Variants in DDHD2 observed in about 807,000 individuals in gnomAD.
DDHD2 encodes the protein DDHD domain containing 2.
A neutral mutation model predicts 91.2 loss-of-function variants in DDHD2; 62 were observed. That is an observed-to-expected ratio of 0.68 (90% CI 0.55 to 0.84). The LOEUF (loss-of-function observed/expected upper bound fraction) is 0.84, where lower values mean the gene tolerates loss of function less well. Ranked by LOEUF, DDHD2 falls within the 40% of genes least tolerant of loss-of-function variation. DDHD2 has a pLI of 0.00. For synonymous variants in DDHD2, 271 were observed against 293.9 expected, an observed-to-expected ratio of 0.92 and a Z score of 0.80; for missense variants, 740 against 846.9, an observed-to-expected ratio of 0.87 and a Z score of 1.57.
Position 38,247,714 on chromosome 8 carries a change from A to G in DDHD2, c.1127A>G (p.Asp376Gly), listed in dbSNP as rs148664622. 6,182 of 1,489,866 alleles carry G rather than the reference A, an allele frequency of 4.1e-3. 12 individuals carry two copies. The highest frequency in any genetic ancestry group is 5.0e-3 in the Non-Finnish European group (5,587 of 1,111,896). 92.3% of individuals were successfully genotyped at this position (1,489,866 alleles called of 1,614,324 possible). A position where few individuals can be genotyped will look rare whatever the true frequency, so the allele number is the denominator to read the frequency against. Residue 376 changes from aspartate (D) to glycine (G), a missense_variant and splice_region_variant, in exon 10 of 18, where the codon GAT becomes GGT. Around this residue, in one of 2 missense-constraint regions of DDHD2, gnomAD observed 693 missense variants for 764.2 expected, o/e 0.91. Coordinates refer to ENST00000397166, the MANE Select transcript of DDHD2 (RefSeq NM_015214.3). ...TGAGCTTTATAATTTAATTTTTAGG[A>G]TTCGCTAAATATTGTAATGGATCAA... ...DSLGDIDSEKDSLNIVMDQGD... is the reference protein window; with the variant it reads ...DSLGDIDSEKGSLNIVMDQGD...
intron 2 of DDHD2, among the ~76,000 whole-genome samples, chr8:38,234,107 T>A (rs1804509310): frequency 2.0e-5 from 3 of 152,028 alleles, no homozygotes; most frequent in South Asian, 2.1e-4. Context: ...TTCAGAAAAA[T>A]CACATTATAT....
intron 1 of DDHD2, 45 bp from the exon 2 acceptor site, chr8:38,232,942 T>TAC: frequency 6.9e-7 from 1 of 1,446,764 alleles, no homozygotes; most frequent in Non-Finnish European, 9.6e-7. Context: ...TGCGAACAGT[T>TAC]ACACAGTTAA....
chr8:38,266,872 A>G (rs1434538854), downstream of DDHD2: 2 of 261,448 alleles, frequency 7.6e-6, no homozygotes, highest in Non-Finnish European at 1.4e-5. Flanking sequence ...TAGTTTCCTC[A>G]TCTATAAATG....
rs148690021 is a variant in DDHD2 at position 38,255,870 on chromosome 8, C to T, written c.2054+2152C>T. Among the ~76,000 whole-genome samples the T allele has an allele frequency of 3.6e-3, 554 of 152,170 alleles. 3 individuals carry two copies. Among genetic ancestry groups the T allele is most frequent in the Non-Finnish European group, 4.0e-3 (270 of 68,002 alleles). ...AAATACTTCGAATTGAAATCAATGG[C>T]ATAAAGGGTATATACATTTGTAAAA... On this transcript the variant is annotated intron_variant, in intron 16 of 17. Coordinates refer to ENST00000397166, the MANE Select transcript of DDHD2 (RefSeq NM_015214.3).
chr8:38,266,199 T>C, downstream of DDHD2: 2 of 1,613,904 alleles, frequency 1.2e-6, no homozygotes, highest in Non-Finnish European at 8.5e-7. Context: ...CTGCAAAAAG[T>C]AGAGGTGACA....
downstream of DDHD2, chr8:38,264,328 G>A: frequency 1.2e-6 from 1 of 861,748 alleles, no homozygotes; most frequent in Non-Finnish European, 1.6e-6. Flanking sequence ...TTTTAGTAGA[G>A]ACAGGGTTCA....
intron 1 of DDHD2, chr8:38,268,718 C>G (rs1268364268): frequency 7.0e-7 from 1 of 1,433,438 alleles, no homozygotes; most frequent in African/African-American, 1.4e-5. Flanking sequence ...CCTCCTCTCT[C>G]AATCAGGATC....
At chr8:38,244,005 G>A (rs1300464685) in intron 7 of DDHD2, among the ~76,000 whole-genome samples, 3 of 151,892 alleles carry the variant, frequency 2.0e-5, no homozygotes, top group East Asian at 2.0e-4. Context: ...GTTTCTCCAC[G>A]TTGGTCAGGC....
chr8:38,237,849 T>G (rs909735041), intron 4 of DDHD2, among the ~76,000 whole-genome samples: 23 of 152,186 alleles, frequency 1.5e-4, no homozygotes, highest in Admixed American at 4.6e-4. Flanking sequence ...CACTGTAGAA[T>G]AAGAAAATCA....
At chr8:38,252,372 T>G in intron 13 of DDHD2, 85 bp downstream of exon 13, 6 of 1,460,472 alleles carry the variant, frequency 4.1e-6, no homozygotes, top group Non-Finnish European at 5.5e-6. Context: ...GTGTTGATTT[T>G]TTTTTCCTAT....
At chr8:38,269,083 T>TGGGAAGC (rs1487253753) in intron 1 of DDHD2, 13 of 1,527,350 alleles carry the variant, frequency 8.5e-6, no homozygotes, top group Non-Finnish European at 1.1e-5. Flanking sequence ...CCCGCCTGCC[T>TGGGAAGC]GGGAAGCGGG....
intron 6 of DDHD2, among the ~76,000 whole-genome samples, chr8:38,241,058 G>A (rs1805218075): frequency 7.4e-6 from 1 of 135,368 alleles, no homozygotes. Context: ...GCAACAGAGT[G>A]AGACCTCAAA....
rs1806874745 is a variant in DDHD2 at position 38,260,129 on chromosome 8, C to T, written c.*8C>T. The T allele has an allele frequency of 6.3e-7, 1 of 1,582,638 alleles. No individual in the cohort carries two copies. Among genetic ancestry groups the T allele is most frequent in the Non-Finnish European group, 8.7e-7 (1 of 1,152,246 alleles). ...GATCAGCCTTTACAGTAAAAATGACCCATCTATGGCTGCTTAATGTAAGTT... is the reference window on the plus strand; with the variant it reads ...GATCAGCCTTTACAGTAAAAATGACTCATCTATGGCTGCTTAATGTAAGTT... On this transcript the variant is annotated 3_prime_UTR_variant, in exon 17 of 18. Transcript: ENST00000397166.
chr8:38,269,211 C>G, intron 1 of DDHD2: 1 of 1,495,848 alleles, frequency 6.7e-7, no homozygotes, highest in Non-Finnish European at 8.8e-7. Flanking sequence ...CGGCCGCGAG[C>G]TCCGAGCGAC....
chr8:38,233,775 A>G (rs1391456703), intron 2 of DDHD2, among the ~76,000 whole-genome samples: 1 of 152,056 alleles, frequency 6.6e-6, no homozygotes, highest in East Asian at 1.9e-4. Context: ...CTAAAAATAC[A>G]AAAATTAGCT....
At position 38,237,527 on chromosome 8, in the gene DDHD2, T is replaced by G. The variant is rs1804898675; in HGVS notation, c.412-11T>G. ...ACTAGAGAACTCTAATGAAATGTGT[T>G]TTCTTTTAAGGAAACTTACATGCTT... On this transcript the variant is annotated splice_polypyrimidine_tract_variant and intron_variant, in intron 3 of 17. Coordinates refer to ENST00000397166, the MANE Select transcript of DDHD2 (RefSeq NM_015214.3). 2 of 1,500,926 alleles carry G rather than the reference T, an allele frequency of 1.3e-6. No homozygotes were observed. Among genetic ancestry groups the G allele is most frequent in the Non-Finnish European group, 1.8e-6 (2 of 1,087,942 alleles). 93.0% of individuals were successfully genotyped at this position (1,500,926 alleles called of 1,614,324 possible).
downstream of DDHD2, chr8:38,272,709 T>C (rs78081300): frequency 6.6e-6 from 1 of 152,252 alleles, no homozygotes; most frequent in Non-Finnish European, 1.5e-5. Flanking sequence ...AGTTATTTCA[T>C]TGTTGGACAA....
chr8:38,236,383 C>T (rs1804752861), intron 3 of DDHD2, among the ~76,000 whole-genome samples: 1 of 147,566 alleles, frequency 6.8e-6, no homozygotes, highest in Admixed American at 6.8e-5. Flanking sequence ...GAGACAGAGT[C>T]TCACTCTGTT....
chr8:38,240,692 CATCA>C (rs1404230569), intron 6 of DDHD2, among the ~76,000 whole-genome samples: 3 of 152,276 alleles, frequency 2.0e-5, no homozygotes, highest in East Asian at 3.9e-4. Flanking sequence ...ATAACAGAAG[CATCA>C]ATCATTTTTG....
Sources: gnomAD v4.1 joint callset for allele counts (sites outside exome capture counted in the v4.1 genomes callset) on GRCh38, gnomAD v4.1.1 for gene constraint, gnomAD v4.1.1 regional missense constraint, MANE v1.5 for transcripts, NCBI Gene and HGNC (gene_info 2026-07-23, HGNC 2026-07-21) for gene names.